TMCC3: variants seen among roughly 807,000 people sequenced by gnomAD.
TMCC3 encodes transmembrane and coiled-coil domain protein 3.
In TMCC3, 28 loss-of-function variants were observed where a neutral mutation model predicts 40.2. That is an observed-to-expected ratio of 0.70 (90% CI 0.52 to 0.95). The LOEUF is 0.95. Ranked by LOEUF, TMCC3 falls within the 40% of genes least tolerant of loss-of-function variation. The probability of loss-of-function intolerance (pLI) is 0.00; values close to 1 mark genes in which losing one functional copy is unlikely to be tolerated. For synonymous variants in TMCC3, 255 were observed against 248.5 expected (o/e 1.03, Z -0.25); for missense variants, 554 against 615.2 (o/e 0.90, Z 1.05).
At chr12:94,597,168 T>TATATATATATATATATATATATA (rs1555283339) in intron 1 of TMCC3, among the ~76,000 whole-genome samples, 3 of 121,856 alleles carry the variant, frequency 2.5e-5, no homozygotes, top group Non-Finnish European at 5.2e-5. Flanking sequence ...TGTATATAAA[T>TATATATATATATATATATATATA]TAGCCAGGCC....
At chr12:94,589,576 T>C (rs1338829882) in intron 1 of TMCC3, among the ~76,000 whole-genome samples, 1 of 149,890 alleles carries the variant, frequency 6.7e-6, no homozygotes, top group Non-Finnish European at 1.5e-5. Flanking sequence ...AGGTAGGTTC[T>C]ACTATTATTA....
At chr12:94,646,318 A>G (rs1440035397) in intron 1 of TMCC3, among the ~76,000 whole-genome samples, 2 of 150,422 alleles carry the variant, frequency 1.3e-5, no homozygotes, top group Non-Finnish European at 2.9e-5. Context: ...GGCACCAACA[A>G]AATAGAAAAA....
chr12:94,622,333 G>C (rs571602573), intron 1 of TMCC3, among the ~76,000 whole-genome samples: 1 of 152,042 alleles, frequency 6.6e-6, no homozygotes, highest in Non-Finnish European at 1.5e-5. Context: ...CCTCCCACAC[G>C]ATCTCACAAC....
In TMCC3 at chr12:94,643,574, T is replaced by C. The variant is rs143311675; in HGVS notation, c.78+6779A>G. 4.0e-3 allele frequency among the ~76,000 whole-genome samples: 613 copies of C among 152,356 alleles called. 5 individuals carry two copies. Among genetic ancestry groups the C allele is most frequent in the African/African-American group, 0.014 (585 of 41,582 alleles). On this transcript the variant is annotated intron_variant, in intron 1 of 3. Coordinates refer to ENST00000261226, the MANE Select transcript of TMCC3 (RefSeq NM_020698.4). ...GACAGCCTTTAAGACTTCAAACTACTAGCAAAATTCTCATATCCTAGGCAT... is the reference window on the plus strand; with the variant it reads ...GACAGCCTTTAAGACTTCAAACTACCAGCAAAATTCTCATATCCTAGGCAT...
chr12:94,598,791 G>C (rs999944849), intron 1 of TMCC3: 1 of 983,378 alleles, frequency 1.0e-6, no homozygotes, highest in African/African-American at 1.7e-5. Context: ...ACTGTTTTGT[G>C]ATCTGGGATA....
At chr12:94,614,147 T>C (rs947142517) in intron 1 of TMCC3, among the ~76,000 whole-genome samples, 2 of 142,796 alleles carry the variant, frequency 1.4e-5, no homozygotes, top group Admixed American at 7.0e-5. Flanking sequence ...TAAAATAAAA[T>C]GTGTGTGTGT....
intron 1 of TMCC3, chr12:94,615,872 A>G (rs979473575): frequency 5.4e-5 from 51 of 952,310 alleles, no homozygotes; most frequent in Non-Finnish European, 6.1e-5. Context: ...AAGCTCCACA[A>G]TACATATTTA....
In TMCC3 at chr12:94,567,387, C is replaced by T. The variant is rs1242780701; in HGVS notation, c.*4048G>A. On this transcript the variant is annotated 3_prime_UTR_variant, in exon 4 of 4. Coordinates refer to ENST00000261226, the MANE Select transcript of TMCC3 (RefSeq NM_020698.4). Reference sequence around the variant, plus strand: ...CTAAACATATCTTAAACACAGAGCACGTTTTGTTGAAATATTTCTCTTAGG... The same window carrying T: ...CTAAACATATCTTAAACACAGAGCATGTTTTGTTGAAATATTTCTCTTAGG... 2.6e-5 allele frequency: 4 copies of T among 152,182 alleles called. No individual in the cohort carries two copies. The highest frequency in any genetic ancestry group is 4.8e-5 in the African/African-American group (2 of 41,448). The allele number at this position is 152,182 out of a possible 1,614,324, so 9.4% of individuals were successfully genotyped here.
At chr12:94,639,434 A>T (rs2068977166) in intron 1 of TMCC3, among the ~76,000 whole-genome samples, 1 of 152,088 alleles carries the variant, frequency 6.6e-6, no homozygotes, top group African/African-American at 2.4e-5. Flanking sequence ...ATACAAAAAA[A>T]TTAGCTGGCA....
intron 1 of TMCC3, among the ~76,000 whole-genome samples, chr12:94,604,119 A>T (rs2068768653): frequency 6.6e-6 from 1 of 152,246 alleles, no homozygotes; most frequent in Non-Finnish European, 1.5e-5. Flanking sequence ...AACTGAATAC[A>T]TCAGATTTAG....
intron 1 of TMCC3, among the ~76,000 whole-genome samples, chr12:94,624,575 G>A (rs1257038356): frequency 2.6e-5 from 4 of 152,094 alleles, no homozygotes; most frequent in South Asian, 4.2e-4. Flanking sequence ...TTAGCCAGGC[G>A]TGGTGGCGTA....
At chr12:94,588,534 G>T (rs2068651743) in intron 1 of TMCC3, among the ~76,000 whole-genome samples, 1 of 152,228 alleles carries the variant, frequency 6.6e-6, no homozygotes, top group Non-Finnish European at 1.5e-5. Context: ...AAAAGGGTCA[G>T]ATCCTTCAAA....
chr12:94,650,476 G>T lies in TMCC3; in HGVS notation c.-46C>A. ...CTTTCCCGTCTTCTGGGGCTGCCGC[G>T]CCGCGAGCCACCGGCTGTGCTCGGG... is the stretch of plus-strand genomic sequence containing the variant. On this transcript the variant is annotated 5_prime_UTR_variant, in exon 1 of 4. Transcript: ENST00000261226. The T allele has an allele frequency of 8.1e-7, 1 of 1,233,338 alleles. No individual in the cohort carries two copies. Among genetic ancestry groups the T allele is most frequent in the Non-Finnish European group, 1.0e-6 (1 of 983,126 alleles). The allele number at this position is 1,233,338 out of a possible 1,614,324, so 76.4% of individuals were successfully genotyped here.
intron 1 of TMCC3, among the ~76,000 whole-genome samples, chr12:94,604,185 G>A (rs976891752): frequency 5.9e-5 from 9 of 152,182 alleles, no homozygotes; most frequent in Admixed American, 6.6e-5. Flanking sequence ...CTAATACCAT[G>A]TTGATCCAGA....
intron 1 of TMCC3, among the ~76,000 whole-genome samples, 173 bp downstream of exon 1, chr12:94,650,180 C>A (rs1421541663): frequency 6.6e-6 from 1 of 152,058 alleles, no homozygotes; most frequent in Non-Finnish European, 1.5e-5. Flanking sequence ...GGCTCCGACG[C>A]CCCCGACGCC....
intron 1 of TMCC3, among the ~76,000 whole-genome samples, chr12:94,606,386 T>G (rs1670502654): frequency 8.1e-6 from 1 of 122,900 alleles, no homozygotes; most frequent in Admixed American, 8.2e-5. Flanking sequence ...TTTTTTTTTT[T>G]GAGACAATCT....
chr12:94,578,668 A>G, intron 2 of TMCC3, 139 bp from the exon 3 acceptor site: 1 of 934,406 alleles, frequency 1.1e-6, no homozygotes, highest in Non-Finnish European at 1.6e-6. Flanking sequence ...GAGTAAGGCT[A>G]GCTGTGGGAA....
In TMCC3 at chr12:94,567,406, T is replaced by G. The variant is rs2068501225; in HGVS notation, c.*4029A>C. 6.6e-6 allele frequency: 1 copy of G among 152,242 alleles called. No individual in the cohort carries two copies. The highest frequency in any genetic ancestry group is 2.4e-5 in the African/African-American group (1 of 41,464). 9.4% of individuals were successfully genotyped at this position (152,242 alleles called of 1,614,324 possible). ...AGAGCACGTTTTGTTGAAATATTTC[T>G]CTTAGGACAAACACAGTAGACATGC... is the stretch of plus-strand genomic sequence containing the variant. On this transcript the variant is annotated 3_prime_UTR_variant, in exon 4 of 4. Transcript: ENST00000261226.
chr12:94,637,096 T>G (rs2068964625), intron 1 of TMCC3, among the ~76,000 whole-genome samples: 1 of 152,148 alleles, frequency 6.6e-6, no homozygotes, highest in Non-Finnish European at 1.5e-5. Context: ...GCAAAGCAAT[T>G]AATTTAATTA....
Sources: allele counts gnomAD v4.1 joint callset (sites outside exome capture counted in the v4.1 genomes callset), GRCh38; gene constraint gnomAD v4.1.1; transcripts MANE v1.5; gene names NCBI Gene and HGNC (gene_info 2026-07-23, HGNC 2026-07-21).